The following GABBR2 variants were observed in gnomAD, a reference collection of about 807,000 sequenced individuals.
GABBR2 encodes the protein G-protein coupled receptor 51.
Under a neutral mutation model 105.6 loss-of-function variants are expected in GABBR2, and 23 were observed. The ratio of observed to expected loss-of-function variants is 0.22; its 90% confidence interval spans 0.16 to 0.31. The LOEUF (loss-of-function observed/expected upper bound fraction) is 0.31. Ranked by LOEUF, GABBR2 falls within the 10% of genes least tolerant of loss-of-function variation. The probability of loss-of-function intolerance (pLI) is 1.00; values close to 1 mark genes in which losing one functional copy is unlikely to be tolerated. For missense variants in GABBR2, 734 were observed against 1,245.5 expected, an observed-to-expected ratio of 0.59 and a Z score of 6.18; for synonymous variants, 478 against 499.7, an observed-to-expected ratio of 0.96 and a Z score of 0.58.
At chr9:98,337,377 T>C (rs1409190007) in intron 13 of GABBR2, among the ~76,000 whole-genome samples, 2 of 152,194 alleles carry the variant, frequency 1.3e-5, no homozygotes, top group East Asian at 1.9e-4. Context: ...TGTTCATGAA[T>C]TGGAAGACAA....
At chr9:98,488,196 A>G (rs1827099785) in intron 4 of GABBR2, among the ~76,000 whole-genome samples, 1 of 152,222 alleles carries the variant, frequency 6.6e-6, no homozygotes, top group African/African-American at 2.4e-5. Flanking sequence ...CCAGACAGTA[A>G]GATAAATTTG....
intron 16 of GABBR2, among the ~76,000 whole-genome samples, chr9:98,301,493 A>G (rs1257410174): frequency 6.6e-6 from 1 of 152,244 alleles, no homozygotes; most frequent in East Asian, 1.9e-4. Flanking sequence ...CTGATAAACT[A>G]TCAGAGGCTG....
intron 1 of GABBR2, among the ~76,000 whole-genome samples, chr9:98,618,601 G>A (rs765176123): frequency 6.8e-6 from 1 of 147,302 alleles, no homozygotes; most frequent in African/African-American, 2.5e-5. Context: ...TCTGTCACTG[G>A]GTATGCTTCT....
chr9:98,649,585 T>C (rs1239333197), intron 1 of GABBR2, among the ~76,000 whole-genome samples: 4 of 152,190 alleles, frequency 2.6e-5, no homozygotes, highest in Non-Finnish European at 5.9e-5. Flanking sequence ...ATAAGAAGAA[T>C]GCGTTCCTCC....
At chr9:98,480,109 A>G (rs140735734) in intron 5 of GABBR2, among the ~76,000 whole-genome samples, 421 of 152,346 alleles carry the variant, frequency 2.8e-3, no homozygotes, top group African/African-American at 9.8e-3. Flanking sequence ...GTCACCAGAC[A>G]CTACGCCTAG....
At chr9:98,485,798 G>A (rs940955361) in intron 4 of GABBR2, among the ~76,000 whole-genome samples, 30 of 152,232 alleles carry the variant, frequency 2.0e-4, no homozygotes, top group Admixed American at 2.0e-3. Context: ...TGGTACACCC[G>A]CCCGGCTGCA....
chr9:98,690,144 A>G (rs923907114), intron 1 of GABBR2, among the ~76,000 whole-genome samples: 1 of 150,824 alleles, frequency 6.6e-6, no homozygotes, highest in Non-Finnish European at 1.5e-5. Context: ...AATCCCAGAT[A>G]TGCCTTTCTT....
chr9:98,602,212 G>A (rs1244298930), intron 1 of GABBR2, among the ~76,000 whole-genome samples: 4 of 150,920 alleles, frequency 2.7e-5, no homozygotes, highest in East Asian at 2.0e-4. Context: ...GGTGGCTCAC[G>A]CTTGTAATCC....
At chr9:98,607,432 A>T in intron 1 of GABBR2, 1 of 615,060 alleles carries the variant, frequency 1.6e-6, no homozygotes, top group South Asian at 2.0e-5. Context: ...ACACCAGAGG[A>T]ATGCTAACAG....
intron 1 of GABBR2, among the ~76,000 whole-genome samples, chr9:98,697,602 G>A (rs963777779): frequency 3.3e-5 from 5 of 152,144 alleles, no homozygotes; most frequent in East Asian, 1.9e-4. Context: ...GGATAAAGGT[G>A]AGCTACTGTT....
At chr9:98,480,310 C>G (rs1564086307) in intron 5 of GABBR2, among the ~76,000 whole-genome samples, 1 of 147,828 alleles carries the variant, frequency 6.8e-6, no homozygotes. Context: ...TGGAGAAAAC[C>G]TTTTTTTTTT....
At chr9:98,463,980 G>A (rs889205704) in intron 6 of GABBR2, among the ~76,000 whole-genome samples, 9 of 152,162 alleles carry the variant, frequency 5.9e-5, no homozygotes, top group Non-Finnish European at 1.2e-4. Flanking sequence ...ATCTTGGCTC[G>A]CTACAACCTC....
intron 1 of GABBR2, among the ~76,000 whole-genome samples, chr9:98,699,871 G>T (rs979243779): frequency 1.6e-4 from 25 of 152,174 alleles, no homozygotes; most frequent in Non-Finnish European, 1.2e-4. Flanking sequence ...TAACGCTAGA[G>T]AAGAAGAAGA....
At chr9:98,622,687 GC>G (rs556711985) in intron 1 of GABBR2, among the ~76,000 whole-genome samples, 2 of 151,996 alleles carry the variant, frequency 1.3e-5, no homozygotes, top group South Asian at 2.1e-4. Flanking sequence ...TCCTTGCAGT[GC>G]CCCCCCAGCC....
intron 7 of GABBR2, among the ~76,000 whole-genome samples, chr9:98,445,925 AGGGCT>A: frequency 6.6e-6 from 1 of 152,354 alleles, no homozygotes; most frequent in Non-Finnish European, 1.5e-5. Context: ...GGTAATGCTT[AGGGCT>A]GCTGGAGCAC....
chr9:98,614,875 C>T (rs1829558278), intron 1 of GABBR2, among the ~76,000 whole-genome samples: 1 of 152,194 alleles, frequency 6.6e-6, no homozygotes, highest in South Asian at 2.1e-4. Context: ...CATCCAGGAG[C>T]TGGCTCTTTT....
intron 2 of GABBR2, among the ~76,000 whole-genome samples, chr9:98,560,465 GCACACACACACACATATA>G (rs536306410): frequency 0.068 from 9,670 of 141,824 alleles, 385 homozygotes; most frequent in African/African-American, 0.1. Context: ...ATATATACAT[GCACACACACACACATATA>G]CACACACACA....
chr9:98,308,528 A>T (rs1437886546), intron 14 of GABBR2, among the ~76,000 whole-genome samples: 1 of 152,202 alleles, frequency 6.6e-6, no homozygotes, highest in Non-Finnish European at 1.5e-5. Flanking sequence ...ATAATGAAGG[A>T]TCTTGAGATG....
In GABBR2 at chr9:98,376,046, C is replaced by T. The variant is rs546968996; in HGVS notation, c.1663-4475G>A. Among the ~76,000 whole-genome samples the T allele has an allele frequency of 3.9e-5, 6 of 152,302 alleles. No individual in the cohort carries two copies. In the South Asian group the frequency reaches 1.2e-3, roughly 32 times the overall value. On this transcript the variant is annotated intron_variant, in intron 11 of 18. Transcript: ENST00000259455. The stretch of plus-strand genomic sequence containing the variant: ...CCCTTAGCCATCAGGTACTCAGCCC[C>T]CTCTGCGAACTGCCTTGAACATAAT...
Sources: gnomAD v4.1 joint callset for allele counts (sites outside exome capture counted in the v4.1 genomes callset) on GRCh38, gnomAD v4.1.1 for gene constraint, MANE v1.5 for transcripts, NCBI Gene and HGNC (gene_info 2026-07-23, HGNC 2026-07-21) for gene names.